Variants in OTUD7B observed in about 807,000 individuals in gnomAD.
The protein encoded by OTUD7B is OTU domain-containing protein 7B.
Under a neutral mutation model 82.2 loss-of-function variants are expected in OTUD7B, and 34 were observed. The observed-to-expected ratio is 0.41, with a 90% confidence interval of 0.31 to 0.55. OTUD7B has a LOEUF of 0.55. Ranked by LOEUF, OTUD7B falls within the 20% of genes least tolerant of loss-of-function variation. The probability of loss-of-function intolerance (pLI) is 0.20; values close to 1 mark genes in which losing one functional copy is unlikely to be tolerated. For missense variants in OTUD7B, 944 were observed against 1,062.1 expected, an observed-to-expected ratio of 0.89 and a Z score of 1.55; for synonymous variants, 398 against 402.7, an observed-to-expected ratio of 0.99 and a Z score of 0.14.
intron 1 of OTUD7B, among the ~76,000 whole-genome samples, chr1:150,007,715 T>C (rs1271066903): frequency 2.6e-5 from 4 of 152,212 alleles, no homozygotes; most frequent in African/African-American, 9.7e-5. Flanking sequence ...TCTTCTATTA[T>C]ATTAAAAAGT....
intron 7 of OTUD7B, among the ~76,000 whole-genome samples, chr1:149,953,903 C>T (rs951619106): frequency 1.3e-5 from 2 of 152,118 alleles, no homozygotes; most frequent in South Asian, 4.1e-4. Context: ...GATTTTGTAT[C>T]CTGAGACTGC....
chr1:150,031,003 G>A, the OTUD7B span, among the ~76,000 whole-genome samples: 10 of 152,142 alleles, frequency 6.6e-5, no homozygotes, highest in East Asian at 9.6e-4. Flanking sequence ...TCGAACTCCT[G>A]ACCTCAGGTG....
chr1:149,954,570 T>G (rs1648515767), intron 7 of OTUD7B, among the ~76,000 whole-genome samples: 9 of 152,290 alleles, frequency 5.9e-5, no homozygotes, highest in Admixed American at 5.9e-4. Flanking sequence ...ATAAAATGAG[T>G]TAGGGAGGAT....
At chr1:149,961,959 A>G (rs1293635434) in intron 6 of OTUD7B, 1 of 152,228 alleles carries the variant, frequency 6.6e-6, no homozygotes, top group Non-Finnish European at 1.5e-5. Flanking sequence ...AAATGAGTCT[A>G]TACGGCTTAA....
chr1:149,964,277 T>G lies in OTUD7B; in HGVS notation c.677A>C (p.Glu226Ala), dbSNP rs1553776055. The change falls in exon 6 of 12, where the codon GAG becomes GCG. Residue 226 changes from glutamate (E) to alanine (A), a missense_variant. Glu to Ala is a moderately radical substitution (Grantham distance 107). Around this residue, in one of 3 missense-constraint regions of OTUD7B, gnomAD observed 530 missense variants for 625.6 expected, o/e 0.85. Transcript: ENST00000581312. ...CCAGCGCCTTTTCAACGCTTCCTTC[T>G]CAACTCCCTTCTCCATCAGTGCATA... ...ALYALMEKGV[E>A]KEALKRRWRW... The G allele has an allele frequency of 1.1e-5, 17 of 1,614,118 alleles. No homozygotes were observed. The highest frequency in any genetic ancestry group is 1.4e-5 in the Non-Finnish European group (16 of 1,180,014).
In OTUD7B at chr1:149,949,713, G is replaced by A. The variant is rs782028895; in HGVS notation, c.1039C>T (p.Arg347Cys). The A allele has an allele frequency of 2.5e-5, 40 of 1,614,004 alleles. No individual in the cohort carries two copies. The highest frequency in any genetic ancestry group is 3.3e-4 in the Middle Eastern group (2 of 6,084). ...PLEVPASQCH[R>C]SPLVLAYDQA... The stretch of plus-strand genomic sequence containing the variant: ...TCATAGGCGAGCACCAGAGGGGAGC[G>A]GTGACACTGGCTGGCTGGGACCTCC... The change falls in exon 9 of 12, where the codon CGC becomes TGC. Residue 347 changes from arginine (R) to cysteine (C), a missense_variant. This residue lies in a region of OTUD7B where 530 missense variants were observed against 625.6 expected (regional missense o/e 0.85). Coordinates refer to ENST00000581312, the MANE Select transcript of OTUD7B (RefSeq NM_020205.4).
At chr1:150,042,153 CCCTTCCTTCCTT>C in the OTUD7B span, among the ~76,000 whole-genome samples, 2 of 105,072 alleles carry the variant, frequency 1.9e-5, no homozygotes, top group African/African-American at 7.4e-5. Context: ...CTTCCTTCCT[CCCTTCCTTCCTT>C]CCTTCCTCCC....
chr1:149,987,050 T>C (rs917586575), intron 1 of OTUD7B, among the ~76,000 whole-genome samples: 1 of 152,236 alleles, frequency 6.6e-6, no homozygotes, highest in East Asian at 1.9e-4. Flanking sequence ...GAAAGTAATA[T>C]GTTTTAAAGC....
chr1:150,039,776 TA>T, the OTUD7B span, among the ~76,000 whole-genome samples: 1 of 152,258 alleles, frequency 6.6e-6, no homozygotes, highest in Non-Finnish European at 1.5e-5. Flanking sequence ...GTTATTCTTA[TA>T]AATGTAATTT....
intron 7 of OTUD7B, 43 bp downstream of exon 7, chr1:149,959,641 G>T (rs1553775238): frequency 2.5e-6 from 3 of 1,187,412 alleles, no homozygotes; most frequent in Non-Finnish European, 3.8e-6. Flanking sequence ...GCCCAGTGAG[G>T]ACTCTATGCA....
chr1:149,965,928 C>G (rs1415080185), intron 4 of OTUD7B, 50 bp from the exon 5 acceptor site: 1 of 1,468,388 alleles, frequency 6.8e-7, no homozygotes, highest in Non-Finnish European at 9.5e-7. Context: ...TGAAGCCCTT[C>G]CACCTTCCTA....
the OTUD7B span, chr1:150,054,252 A>T: frequency 4.4e-6 from 2 of 456,808 alleles, no homozygotes; most frequent in Non-Finnish European, 8.4e-6. Flanking sequence ...CAAGGAAAAA[A>T]ACCCTTCAGT....
chr1:149,959,285 C>T (rs187793273), intron 7 of OTUD7B, among the ~76,000 whole-genome samples: 29 of 151,810 alleles, frequency 1.9e-4, no homozygotes, highest in Non-Finnish European at 3.2e-4. Context: ...AGGCTGGTTT[C>T]GAACTCCTGG....
the OTUD7B span, among the ~76,000 whole-genome samples, chr1:150,062,733 A>G: frequency 2.5e-5 from 2 of 78,730 alleles, no homozygotes; most frequent in East Asian, 7.6e-4. Flanking sequence ...TTTTTTTGAG[A>G]CGGAGTTTCA....
Position 149,944,674 on chromosome 1 carries a change from A to T in OTUD7B, c.1715T>A (p.Val572Glu), listed in dbSNP as rs1553771569. 2.5e-6 allele frequency: 4 copies of T among 1,613,676 alleles called. No individual in the cohort carries two copies. In the African/African-American group the frequency reaches 5.3e-5, roughly 22 times the overall value. The change falls in exon 12 of 12, where the codon GTG becomes GAG. Residue 572 changes from valine (V) to glutamate (E), a missense_variant. Val to Glu is a moderately radical substitution (Grantham distance 121). Coordinates refer to ENST00000581312, the MANE Select transcript of OTUD7B (RefSeq NM_020205.4). Reference protein sequence around the residue: ...GKEEAAGDGPVSEKPPAESVG... With the variant: ...GKEEAAGDGPESEKPPAESVG... ...AGACTCAGCTGGGGGCTTCTCAGAC[A>T]CAGGCCCATCCCCAGCTGCCTCCTC...
At chr1:150,025,726 A>T in the OTUD7B span, among the ~76,000 whole-genome samples, 1 of 152,356 alleles carries the variant, frequency 6.6e-6, no homozygotes, top group African/African-American at 2.4e-5. Context: ...ATATTGGGTC[A>T]GGTGACCATC....
chr1:150,051,121 C>T, the OTUD7B span, among the ~76,000 whole-genome samples: 2 of 146,590 alleles, frequency 1.4e-5, no homozygotes, highest in African/African-American at 2.5e-5. Flanking sequence ...CCCAGCTACT[C>T]GGGTGGCTGA....
chr1:149,993,748 G>A (rs1350906861), intron 1 of OTUD7B, among the ~76,000 whole-genome samples: 2 of 152,018 alleles, frequency 1.3e-5, no homozygotes, highest in Admixed American at 6.6e-5. Flanking sequence ...GATCTACATC[G>A]ATACATTTTA....
At chr1:150,049,810 T>C in the OTUD7B span, among the ~76,000 whole-genome samples, 1 of 152,112 alleles carries the variant, frequency 6.6e-6, no homozygotes, top group Non-Finnish European at 1.5e-5. Context: ...GGTCTTGAAC[T>C]ACTGGGCTCC....
Sources: allele counts gnomAD v4.1 joint callset (sites outside exome capture counted in the v4.1 genomes callset), GRCh38; gene constraint gnomAD v4.1.1; regional missense constraint gnomAD v4.1.1; transcripts MANE v1.5; gene names NCBI Gene and HGNC (gene_info 2026-07-23, HGNC 2026-07-21).